The following FAM117B variants were observed in gnomAD, a reference collection of about 807,000 sequenced individuals.
The protein encoded by FAM117B is protein FAM117B.
FAM117B carries 22 observed loss-of-function variants against 52.8 expected under a neutral mutation model. That is an observed-to-expected ratio of 0.42 (90% CI 0.30 to 0.59). The LOEUF (loss-of-function observed/expected upper bound fraction) is 0.59. Ranked by LOEUF, FAM117B falls within the 20% of genes least tolerant of loss-of-function variation. The probability of loss-of-function intolerance (pLI) is 0.22; values close to 1 mark genes in which losing one functional copy is unlikely to be tolerated. For synonymous variants in FAM117B, 309 were observed against 324.1 expected (o/e 0.95, Z 0.50); for missense variants, 678 against 802.6 (o/e 0.84, Z 1.88).
intron 2 of FAM117B, among the ~76,000 whole-genome samples, chr2:202,701,033 A>C (rs145769451): frequency 7.9e-4 from 120 of 152,274 alleles, no homozygotes; most frequent in Non-Finnish European, 1.3e-3. Flanking sequence ...TTATCTTGTA[A>C]GAAGATGCCG....
chr2:202,687,896 A>G (rs570499556), intron 1 of FAM117B, among the ~76,000 whole-genome samples: 23 of 152,154 alleles, frequency 1.5e-4, no homozygotes, highest in Non-Finnish European at 2.6e-4. Context: ...GGCCTGTATC[A>G]ATATTTGGTT....
chr2:202,737,813 G>C (rs1691465720), intron 4 of FAM117B, among the ~76,000 whole-genome samples: 1 of 152,038 alleles, frequency 6.6e-6, no homozygotes, highest in South Asian at 2.1e-4. Context: ...TGTTGGCCAG[G>C]CTGGTCTTGA....
chr2:202,657,804 A>C (rs1448668917), intron 1 of FAM117B, among the ~76,000 whole-genome samples: 1 of 151,892 alleles, frequency 6.6e-6, no homozygotes, highest in Non-Finnish European at 1.5e-5. Context: ...TTTGTTCCAT[A>C]ATCTCCCTTT....
Position 202,743,442 on chromosome 2 carries a change from T to C in FAM117B, c.961-12096T>C, listed in dbSNP as rs118068130. Among the ~76,000 whole-genome samples, 89 of 152,304 alleles carry C rather than the reference T, an allele frequency of 5.8e-4. No individual in the cohort carries two copies. The East Asian group carries it at 0.015, about 26-fold the overall frequency. ...AAAAAATTGGAGGAAGTGACTGTTATACTAAATGTACAAGTATTAATATAA... is the reference window on the plus strand; with the variant it reads ...AAAAAATTGGAGGAAGTGACTGTTACACTAAATGTACAAGTATTAATATAA... On this transcript the variant is annotated intron_variant, in intron 4 of 7. Coordinates refer to ENST00000392238, the MANE Select transcript of FAM117B (RefSeq NM_173511.4).
At chr2:202,707,364 G>A (rs569653376) in intron 2 of FAM117B, among the ~76,000 whole-genome samples, 120 of 152,078 alleles carry the variant, frequency 7.9e-4, no homozygotes, top group African/African-American at 2.3e-3. Flanking sequence ...AAATAGGCTG[G>A]GCACATCTAG....
chr2:202,713,734 T>C (rs1365595855), intron 2 of FAM117B, among the ~76,000 whole-genome samples: 1 of 152,038 alleles, frequency 6.6e-6, no homozygotes, highest in African/African-American at 2.4e-5. Flanking sequence ...TGAGAAGGAG[T>C]TTCGCTCTGT....
chr2:202,669,305 A>C (rs949387886), intron 1 of FAM117B, among the ~76,000 whole-genome samples: 2 of 152,192 alleles, frequency 1.3e-5, no homozygotes, highest in African/African-American at 4.8e-5. Flanking sequence ...CTTAATCTTT[A>C]AAACATAGAT....
At chr2:202,636,182 A>C (rs965813935) in intron 1 of FAM117B, among the ~76,000 whole-genome samples, 1 of 152,198 alleles carries the variant, frequency 6.6e-6, no homozygotes, top group African/African-American at 2.4e-5. Context: ...TTTAGGGACA[A>C]GGTTAATGTT....
At chr2:202,651,773 T>G (rs974417043) in intron 1 of FAM117B, among the ~76,000 whole-genome samples, 5 of 152,156 alleles carry the variant, frequency 3.3e-5, no homozygotes, top group African/African-American at 1.2e-4. Flanking sequence ...TTTCCTATTG[T>G]GCATGTATGT....
At chr2:202,666,940 C>T (rs182820599) in intron 1 of FAM117B, among the ~76,000 whole-genome samples, 40 of 151,768 alleles carry the variant, frequency 2.6e-4, no homozygotes, top group African/African-American at 8.2e-4. Context: ...CCACCACGCC[C>T]GGCCAGTATG....
intron 1 of FAM117B, among the ~76,000 whole-genome samples, chr2:202,641,196 T>C (rs1301116798): frequency 6.6e-6 from 1 of 152,200 alleles, no homozygotes; most frequent in African/African-American, 2.4e-5. Context: ...GGGATGGGTA[T>C]AGAGGTTCCC....
At chr2:202,739,581 A>G (rs1180483173) in intron 4 of FAM117B, among the ~76,000 whole-genome samples, 4 of 151,590 alleles carry the variant, frequency 2.6e-5, no homozygotes, top group African/African-American at 9.7e-5. Flanking sequence ...TCAGCCTCCT[A>G]AGAAGCTGGG....
chr2:202,652,052 T>TAAAAA (rs1227648534), intron 1 of FAM117B, among the ~76,000 whole-genome samples: 2 of 98,626 alleles, frequency 2.0e-5, no homozygotes, highest in Non-Finnish European at 2.2e-5. Flanking sequence ...AAACTCTGTC[T>TAAAAA]AAAAAAAAAA....
chr2:202,705,272 C>T (rs1405322937), intron 2 of FAM117B, among the ~76,000 whole-genome samples: 4 of 151,494 alleles, frequency 2.6e-5, no homozygotes, highest in African/African-American at 7.3e-5. Context: ...TACCATTGCA[C>T]TCCAGTCTGG....
At chr2:202,714,580 G>C (rs1342548448) in intron 2 of FAM117B, among the ~76,000 whole-genome samples, 1 of 141,412 alleles carries the variant, frequency 7.1e-6, no homozygotes, top group African/African-American at 2.6e-5. Context: ...TTCTCGCAGA[G>C]GGGGATTTGG....
At chr2:202,710,287 T>C (rs1690936545) in intron 2 of FAM117B, among the ~76,000 whole-genome samples, 1 of 152,174 alleles carries the variant, frequency 6.6e-6, no homozygotes, top group Non-Finnish European at 1.5e-5. Flanking sequence ...ATGTCGTCTT[T>C]AATTTCTTTA....
At chr2:202,672,218 T>A (rs938825257) in intron 1 of FAM117B, among the ~76,000 whole-genome samples, 1 of 152,198 alleles carries the variant, frequency 6.6e-6, no homozygotes. Context: ...TGCCTCCCCC[T>A]CCTTTTTGTT....
intron 2 of FAM117B, among the ~76,000 whole-genome samples, chr2:202,702,755 G>A (rs1275889406): frequency 4.6e-5 from 7 of 152,052 alleles, no homozygotes; most frequent in African/African-American, 1.4e-4. Context: ...GGGTTTCACT[G>A]TGTTAGCCAG....
chr2:202,725,659 G>A (rs1016646249), intron 3 of FAM117B, among the ~76,000 whole-genome samples: 1 of 152,118 alleles, frequency 6.6e-6, no homozygotes, highest in African/African-American at 2.4e-5. Context: ...TTTCTGAAAT[G>A]CAGTACTCAC....
Sources: gnomAD v4.1 joint callset for allele counts (sites outside exome capture counted in the v4.1 genomes callset) on GRCh38, gnomAD v4.1.1 for gene constraint, MANE v1.5 for transcripts, NCBI Gene and HGNC (gene_info 2026-07-23, HGNC 2026-07-21) for gene names.